The following TMC6 variants were observed in gnomAD, a reference collection of about 807,000 sequenced individuals.
TMC6 encodes transmembrane channel-like protein 6.
TMC6 carries 71 observed loss-of-function variants against 95.4 expected under a neutral mutation model. The observed-to-expected ratio is 0.74, with a 90% confidence interval of 0.61 to 0.91. The LOEUF (loss-of-function observed/expected upper bound fraction) is 0.91. TMC6 is among the 40% of genes least tolerant of loss of function. The probability of loss-of-function intolerance (pLI) is 0.00; values close to 1 mark genes in which losing one functional copy is unlikely to be tolerated. For missense variants in TMC6, 1,074 were observed against 1,079.1 expected (o/e 1.00, Z 0.07); for synonymous variants, 514 against 483.1 (o/e 1.06, Z -0.84).
chr17:78,127,506 G>A (rs760170057), intron 1 of TMC6, among the ~76,000 whole-genome samples: 10 of 152,198 alleles, frequency 6.6e-5, no homozygotes, highest in Non-Finnish European at 2.9e-5. Flanking sequence ...ATCATCCCAG[G>A]GCGGCCGGCT....
chr17:78,128,384 G>T lies in TMC6; in HGVS notation c.-75+228C>A, dbSNP rs1399786661. On this transcript the variant is annotated intron_variant, in intron 1 of 19. Coordinates refer to ENST00000590602, the MANE Select transcript of TMC6 (RefSeq NM_001127198.5). This position sits in a 1 kb window ranked among gnomAD's most constrained non-coding sequence, Gnocchi z 4.0. ...TGGCGCTCGGCTGGGGGACCTGGGTGGGGGCTGCGGATTTTGCTCCCCGCA... is the reference window on the plus strand; with the variant it reads ...TGGCGCTCGGCTGGGGGACCTGGGTTGGGGCTGCGGATTTTGCTCCCCGCA... Among the ~76,000 whole-genome samples, 1 of 152,102 alleles carries T rather than the reference G, an allele frequency of 6.6e-6. No individual in the cohort carries two copies. Among genetic ancestry groups the T allele is most frequent in the Non-Finnish European group, 1.5e-5 (1 of 67,992 alleles).
intron 13 of TMC6, chr17:78,120,138 T>G: frequency 3.1e-6 from 1 of 322,822 alleles, no homozygotes; most frequent in Non-Finnish European, 6.0e-6. Flanking sequence ...TGAGGTTGTG[T>G]CATATACACG....
At chr17:78,129,125 C>G (rs577307304), upstream of TMC6, among the ~76,000 whole-genome samples, 10 of 149,296 alleles carry the variant, frequency 6.7e-5, no homozygotes, top group Admixed American at 1.3e-4. This position sits in a 1 kb window ranked among gnomAD's most constrained non-coding sequence, Gnocchi z 4.3. Context: ...CGCCCCCCCC[C>G]CCGCCGCCCC....
Position 78,128,059 on chromosome 17 carries a change from G to T in TMC6, c.-75+553C>A, listed in dbSNP as rs1280075459. Among the ~76,000 whole-genome samples, 1 of 152,216 alleles carries T rather than the reference G, an allele frequency of 6.6e-6. No individual in the cohort carries two copies. Among genetic ancestry groups the T allele is most frequent in the Non-Finnish European group, 1.5e-5 (1 of 68,032 alleles). On this transcript the variant is annotated intron_variant, in intron 1 of 19. Transcript: ENST00000590602. This position sits in a 1 kb window ranked among gnomAD's most constrained non-coding sequence, Gnocchi z 4.0. ...CCCTTCTAAGCTCAGGGAACCCGGGGACTCGGGCACCCAGCGCCCCAGCAC... is the reference window on the plus strand; with the variant it reads ...CCCTTCTAAGCTCAGGGAACCCGGGTACTCGGGCACCCAGCGCCCCAGCAC...
rs568791975 is a variant in TMC6 at position 78,117,137 on chromosome 17, G to T, written c.2277+132C>A. On this transcript the variant is annotated intron_variant, in intron 18 of 19. Transcript: ENST00000590602. The stretch of plus-strand genomic sequence containing the variant: ...ATCTGAAGTGCACGTATTGATCAGG[G>T]TCACTTGTTTGGCAAACAAACCCTT... The T allele has an allele frequency of 7.6e-5, 70 of 916,656 alleles. 1 individual carries two copies. In the South Asian group the frequency reaches 8.9e-4, roughly 12 times the overall value. 56.8% of individuals were successfully genotyped at this position (916,656 alleles called of 1,614,324 possible). A position where few individuals can be genotyped will look rare whatever the true frequency, so the allele number is the denominator to read the frequency against.
At chr17:78,125,598 C>G (rs1356232294) in intron 5 of TMC6, 128 bp downstream of exon 5, 1 of 1,397,774 alleles carries the variant, frequency 7.2e-7, no homozygotes, top group African/African-American at 1.4e-5. Context: ...CTTCAGGCAG[C>G]CTGCTAAGGG....
rs529843490 is a variant in TMC6 at position 78,118,277 on chromosome 17, C to A, written c.1888-342G>T. The A allele has an allele frequency of 1.3e-3, 520 of 402,940 alleles. 5 individuals are homozygous for A. The highest frequency in any genetic ancestry group is 9.6e-3 in the African/African-American group (466 of 48,652). The allele number at this position is 402,940 out of a possible 1,614,324, so 25.0% of individuals were successfully genotyped here. On this transcript the variant is annotated intron_variant, in intron 15 of 19. Transcript: ENST00000590602. ...CCAGACGAGACAGGAGCCAGGATGG[C>A]CAGGTGCGGTGGCTCATGCCTGTAA...
intron 13 of TMC6, chr17:78,120,200 C>G (rs915394777): frequency 6.1e-6 from 2 of 326,040 alleles, no homozygotes; most frequent in East Asian, 1.6e-4. Context: ...TGCTCTGTCG[C>G]CCGGGCTGGA....
At chr17:78,120,479 C>T (rs1353621107) in intron 13 of TMC6, 174 bp downstream of exon 13, 1 of 1,041,126 alleles carries the variant, frequency 9.6e-7, no homozygotes, top group East Asian at 2.4e-5. Context: ...ACTTTGAAAC[C>T]TGTTTTCCTT....
chr17:78,126,286 G>T lies in TMC6; in HGVS notation c.262C>A (p.Arg88Ser). 6.4e-7 allele frequency: 1 copy of T among 1,560,136 alleles called. No homozygotes were observed. Among genetic ancestry groups the T allele is most frequent in the Non-Finnish European group, 8.7e-7 (1 of 1,155,796 alleles). ...TGAGGGTCCCACTCACCAATGGTGC[G>T]GCTGGGCATGCTGGCCAGGATGCGG... ...TLRILASMPS[R>S]TIGRSRGAII... The change falls in exon 4 of 20, where the codon CGC (arginine) becomes AGC (serine). Residue 88 changes from arginine (R) to serine (S), a missense_variant. Transcript: ENST00000590602.
At chr17:78,115,651 G>A (rs1169782544) in intron 18 of TMC6, among the ~76,000 whole-genome samples, 3 of 148,650 alleles carry the variant, frequency 2.0e-5, no homozygotes, top group South Asian at 2.2e-4. Flanking sequence ...CGAAGGGAGT[G>A]GGCACAGGGG....
Position 78,113,099 on chromosome 17 carries a change from G to T in TMC6, c.*49C>A, listed in dbSNP as rs776721622. On this transcript the variant is annotated 3_prime_UTR_variant, in exon 20 of 20. Transcript: ENST00000590602. ...CCAGCAGGGTCACTGGGAGGCAACAGTGTGGTCTCAGGGTGCTGGGCGGGC... is the reference window on the plus strand; with the variant it reads ...CCAGCAGGGTCACTGGGAGGCAACATTGTGGTCTCAGGGTGCTGGGCGGGC... The T allele has an allele frequency of 8.4e-6, 13 of 1,544,646 alleles. No individual in the cohort carries two copies. The South Asian group carries it at 1.2e-4, about 14-fold the overall frequency.
intron 13 of TMC6, 57 bp downstream of exon 13, chr17:78,120,596 C>A: frequency 6.6e-7 from 1 of 1,522,780 alleles, no homozygotes; most frequent in Non-Finnish European, 8.8e-7. Context: ...CCCGGCCACA[C>A]GTCCCGGCCA....
Position 78,120,831 on chromosome 17 carries a change from T to A in TMC6, c.1537A>T (p.Asn513Tyr), listed in dbSNP as rs1442020730. ...VLEVYVAICRNLILKLAILGT... is the reference protein window; with the variant it reads ...VLEVYVAICRYLILKLAILGT... ...AGGATGGCCAGCTTGAGGATGAGGT[T>A]CCTGCGGAGGGCGGGGTGCAAAGGC... The change falls in exon 13 of 20, where the codon AAC (asparagine) becomes TAC (tyrosine). Residue 513 changes from asparagine to tyrosine, a missense_variant and splice_region_variant. Coordinates refer to ENST00000590602, the MANE Select transcript of TMC6 (RefSeq NM_001127198.5). 1 of 1,611,930 alleles carries A rather than the reference T, an allele frequency of 6.2e-7. No homozygotes were observed. The highest frequency in any genetic ancestry group is 8.5e-7 in the Non-Finnish European group (1 of 1,178,826).
At chr17:78,115,676 A>C (rs1314865589) in intron 18 of TMC6, among the ~76,000 whole-genome samples, 6 of 116,798 alleles carry the variant, frequency 5.1e-5, no homozygotes, top group African/African-American at 2.1e-4. Context: ...GGGAGTGGGC[A>C]CAGGGGCGAA....
Position 78,122,753 on chromosome 17 carries a change from G to A in TMC6, c.1083-4C>T. On this transcript the variant is annotated splice_region_variant and splice_polypyrimidine_tract_variant and intron_variant, in intron 9 of 19. Coordinates refer to ENST00000590602, the MANE Select transcript of TMC6 (RefSeq NM_001127198.5). The surrounding 1 kb of genome is among the most constrained non-coding windows in gnomAD (Gnocchi z 4.9). ...CTCCCCGAAAGAGTGAGCCATGCTG[G>A]GGAGAAGCAGACACAGACATGGCAA... The A allele has an allele frequency of 1.2e-6, 2 of 1,608,370 alleles. No homozygotes were observed. Among genetic ancestry groups the A allele is most frequent in the East Asian group, 2.2e-5 (1 of 44,640 alleles).
chr17:78,117,137 G>A (rs568791975), intron 18 of TMC6, 132 bp downstream of exon 18: 3 of 916,538 alleles, frequency 3.3e-6, no homozygotes, highest in East Asian at 2.5e-5. Flanking sequence ...ATTGATCAGG[G>A]TCACTTGTTT....
chr17:78,115,055 A>G (rs1391275413), intron 18 of TMC6, among the ~76,000 whole-genome samples: 3 of 152,184 alleles, frequency 2.0e-5, no homozygotes, highest in Non-Finnish European at 4.4e-5. Flanking sequence ...ACAGCCAGAC[A>G]ACCACCGCAG....
Position 78,120,843 on chromosome 17 carries a change from C to A in TMC6, c.1536-11G>T, listed in dbSNP as rs367991714. 1.2e-6 allele frequency: 2 copies of A among 1,611,184 alleles called. No individual in the cohort carries two copies. ...TTGAGGATGAGGTTCCTGCGGAGGG[C>A]GGGGTGCAAAGGCTGAGGGGCGGGT... On this transcript the variant is annotated splice_polypyrimidine_tract_variant and intron_variant, in intron 12 of 19. Transcript: ENST00000590602.
Sources: gnomAD v4.1 joint callset for allele counts (sites outside exome capture counted in the v4.1 genomes callset) on GRCh38, gnomAD v4.1.1 for gene constraint, Gnocchi (gnomAD v3.1) non-coding constraint, MANE v1.5 for transcripts, NCBI Gene and HGNC (gene_info 2026-07-23, HGNC 2026-07-21) for gene names.